Variants in COX10 observed in about 807,000 individuals in gnomAD.
The protein encoded by COX10 is cytochrome c oxidase assembly factor heme A:farnesyltransferase COX10, also known as protoheme IX farnesyltransferase, mitochondrial.
COX10 carries 27 observed loss-of-function variants against 37.3 expected under a neutral mutation model. The observed-to-expected ratio is 0.72, with a 90% confidence interval of 0.53 to 1.00. COX10 has a LOEUF of 1.00. Ranked by LOEUF, COX10 falls within the 50% of genes least tolerant of loss-of-function variation. COX10 has a pLI of 0.00. For synonymous variants in COX10, 222 were observed against 229.1 expected (o/e 0.97, Z 0.28); for missense variants, 475 against 563.2 (o/e 0.84, Z 1.59).
intron 2 of COX10, among the ~76,000 whole-genome samples, 158 bp downstream of exon 2, chr17:14,074,614 A>G (rs1915101999): frequency 6.6e-6 from 1 of 152,206 alleles, no homozygotes; most frequent in African/African-American, 2.4e-5. Flanking sequence ...TGTTTTGATT[A>G]TTCTTAACCG....
intron 5 of COX10, among the ~76,000 whole-genome samples, chr17:14,174,518 A>G (rs192693030): frequency 6.1e-4 from 93 of 152,232 alleles, no homozygotes; most frequent in Non-Finnish European, 1.0e-4. Context: ...AAGAAGAAAT[A>G]CAGGCGTTAA....
chr17:14,204,215 C>T (rs2142271194), intron 6 of COX10, among the ~76,000 whole-genome samples: 1 of 152,226 alleles, frequency 6.6e-6, no homozygotes, highest in East Asian at 1.9e-4. Flanking sequence ...TCTGCCTGGA[C>T]CCTGTGGCTT....
Position 14,096,548 on chromosome 17 carries a change from T to A in COX10, c.500-5570T>A, listed in dbSNP as rs546236426. On this transcript the variant is annotated intron_variant, in intron 3 of 6. Coordinates refer to ENST00000261643, the MANE Select transcript of COX10 (RefSeq NM_001303.4). ...TGCCACTGAGCTGGGCTAATTTAGT[T>A]TTTGTAGAACAGGGTCTCACTTTGT... is the stretch of plus-strand genomic sequence containing the variant. 5.6e-4 allele frequency among the ~76,000 whole-genome samples: 85 copies of A among 152,098 alleles called. 1 individual carries two copies. Among genetic ancestry groups the A allele is most frequent in the African/African-American group, 1.9e-3 (78 of 41,522 alleles).
chr17:14,166,520 G>A (rs1905287312), intron 5 of COX10, among the ~76,000 whole-genome samples: 1 of 151,864 alleles, frequency 6.6e-6, no homozygotes, highest in Non-Finnish European at 1.5e-5. Flanking sequence ...TCACCCAAGA[G>A]CTCTGATGGA....
intron 3 of COX10, among the ~76,000 whole-genome samples, chr17:14,094,071 A>G (rs887381868): frequency 6.6e-6 from 1 of 152,132 alleles, no homozygotes; most frequent in Non-Finnish European, 1.5e-5. Context: ...AAAAAAAGGG[A>G]GAGCCAAATA....
intron 4 of COX10, among the ~76,000 whole-genome samples, chr17:14,126,103 G>A (rs767201625): frequency 6.6e-6 from 1 of 151,754 alleles, no homozygotes; most frequent in Admixed American, 6.6e-5. Context: ...TTCATTGCTG[G>A]GTTTTTTTTT....
intron 5 of COX10, among the ~76,000 whole-genome samples, chr17:14,167,230 A>AAGTTT: frequency 6.6e-6 from 1 of 152,230 alleles, no homozygotes; most frequent in Non-Finnish European, 1.5e-5. Flanking sequence ...GGATAGCTGC[A>AAGTTT]ATCTCATGAT....
intron 3 of COX10, among the ~76,000 whole-genome samples, chr17:14,086,723 G>T (rs147190974): frequency 8.6e-5 from 13 of 151,894 alleles, no homozygotes; most frequent in Admixed American, 6.6e-4. Context: ...TCATTTTCTG[G>T]TAATTGCCTC....
Position 14,207,199 on chromosome 17 carries a change from C to A in COX10, c.1318C>A (p.Pro440Thr). 2 of 1,595,550 alleles carry A rather than the reference C, an allele frequency of 1.3e-6. No individual in the cohort carries two copies. Among genetic ancestry groups the A allele is most frequent in the South Asian group, 1.1e-5 (1 of 89,998 alleles). The change falls in exon 7 of 7, where the codon CCC (proline) becomes ACC (threonine). Residue 440 changes from proline (P) to threonine (T), a missense_variant. Physicochemically the swap from Pro to Thr is conservative, Grantham distance 38. Around this residue, in one of 5 missense-constraint regions of COX10, gnomAD observed 160 missense variants for 180.6 expected, o/e 0.89. Transcript: ENST00000261643. ...KRPSGGGDAG[P>T]PPS The stretch of plus-strand genomic sequence containing the variant: ...GCCGAGCGGAGGCGGGGACGCAGGG[C>A]CCCCTCCCAGCTGAGAGCACTGGGA...
chr17:14,122,773 A>G (rs369253117), intron 4 of COX10, among the ~76,000 whole-genome samples: 3 of 152,204 alleles, frequency 2.0e-5, no homozygotes, highest in African/African-American at 4.8e-5. Flanking sequence ...CATTGGCCAA[A>G]GTACTGTTGC....
chr17:14,134,953 T>C (rs1444860949), intron 4 of COX10, among the ~76,000 whole-genome samples: 1 of 151,782 alleles, frequency 6.6e-6, no homozygotes, highest in African/African-American at 2.4e-5. Flanking sequence ...GTTTTAAAAA[T>C]GTTTTTTGAG....
Position 14,077,033 on chromosome 17 carries a change from G to A in COX10, c.476G>A (p.Arg159Gln), listed in dbSNP as rs2072279. Residue 159 changes from arginine to glutamine, a missense_variant, in exon 3 of 7, where the codon CGA becomes CAA. By Grantham distance (43) the Arg-to-Gln change is conservative (BLOSUM62 1). This residue lies in a region of COX10 where 242 missense variants were observed against 242.5 expected (regional missense o/e 1.00). Coordinates refer to ENST00000261643, the MANE Select transcript of COX10 (RefSeq NM_001303.4). ...TATGATTTGCCAGGAATTTTGGCTCGACTATCCAAAATCAAACTCACAGGT... is the reference window on the plus strand; with the variant it reads ...TATGATTTGCCAGGAATTTTGGCTCAACTATCCAAAATCAAACTCACAGGT... ...QVYDLPGILA[R>Q]LSKIKLTALV... 807,164 of 1,613,488 alleles carry A rather than the reference G, an allele frequency of 0.5. 202,858 individuals carry two copies. Among genetic ancestry groups the A allele is most frequent in the Admixed American group, 0.57 (34,192 of 59,972 alleles).
chr17:14,142,092 AG>A (rs1490636554), intron 4 of COX10, among the ~76,000 whole-genome samples: 1 of 152,214 alleles, frequency 6.6e-6, no homozygotes, highest in African/African-American at 2.4e-5. Context: ...CACTCAAATA[AG>A]GAGTAAGCGC....
chr17:14,184,977 A>G (rs959257810), intron 5 of COX10, among the ~76,000 whole-genome samples: 22 of 147,856 alleles, frequency 1.5e-4, no homozygotes, highest in African/African-American at 5.2e-4. Flanking sequence ...AGAAATTCCA[A>G]TGAGGCCCTC....
In COX10 at chr17:14,094,132, A is replaced by G. The variant is rs376390091; in HGVS notation, c.500-7986A>G. Among the ~76,000 whole-genome samples the G allele has an allele frequency of 2.1e-4, 32 of 152,190 alleles. 1 individual carries two copies. In the East Asian group the frequency reaches 3.5e-3, roughly 17 times the overall value. ...TGATTAGACCCTGGTAGATTTTACT[A>G]CCAGTAATTTGCACATGGTTGTCCA... On this transcript the variant is annotated intron_variant, in intron 3 of 6. Transcript: ENST00000261643.
chr17:14,206,158 C>G (rs921606472), intron 6 of COX10, among the ~76,000 whole-genome samples: 1 of 152,090 alleles, frequency 6.6e-6, no homozygotes, highest in Non-Finnish European at 1.5e-5. Context: ...AGATCAGAGC[C>G]AGGGTGTGAC....
intron 5 of COX10, among the ~76,000 whole-genome samples, chr17:14,162,501 T>G (rs1440682010): frequency 6.6e-6 from 1 of 152,236 alleles, no homozygotes; most frequent in African/African-American, 2.4e-5. Flanking sequence ...TGACCTATTC[T>G]TGATTAGTGA....
In COX10 at chr17:14,191,985, C is replaced by G. The variant is rs1906214627; in HGVS notation, c.696-4C>G. Reference sequence around the variant, plus strand: ...TCACTCCAGGTTCTCTGCTCTTTTTCCAGCCCATTGCTAGCTGTGTCCTTT... The same window carrying G: ...TCACTCCAGGTTCTCTGCTCTTTTTGCAGCCCATTGCTAGCTGTGTCCTTT... On this transcript the variant is annotated splice_polypyrimidine_tract_variant and splice_region_variant and intron_variant, in intron 5 of 6. Transcript: ENST00000261643. 1 of 1,613,880 alleles carries G rather than the reference C, an allele frequency of 6.2e-7. No individual in the cohort carries two copies. The highest frequency in any genetic ancestry group is 8.5e-7 in the Non-Finnish European group (1 of 1,179,808).
intron 5 of COX10, among the ~76,000 whole-genome samples, chr17:14,163,440 G>A (rs950256220): frequency 6.6e-5 from 10 of 151,896 alleles, no homozygotes; most frequent in African/African-American, 2.4e-4. Flanking sequence ...TATTTTTATA[G>A]AGATTGGGTT....
Sources: allele counts gnomAD v4.1 joint callset (sites outside exome capture counted in the v4.1 genomes callset), GRCh38; gene constraint gnomAD v4.1.1; regional missense constraint gnomAD v4.1.1; transcripts MANE v1.5; gene names NCBI Gene and HGNC (gene_info 2026-07-23, HGNC 2026-07-21).